Variants in GPI observed in about 807,000 individuals in gnomAD.
GPI encodes glucose-6-phosphate isomerase, also known as D-hexose-6-phosphate anomerase.
A neutral mutation model predicts 75.8 loss-of-function variants in GPI; 56 were observed. The observed-to-expected ratio is 0.74, with a 90% CI of 0.60 to 0.92. The LOEUF is 0.92. Ranked by LOEUF, GPI falls within the 40% of genes least tolerant of loss-of-function variation. The pLI is 0.00. For synonymous variants in GPI, 288 were observed against 285.4 expected, an observed-to-expected ratio of 1.01 and a Z score of -0.09; for missense variants, 638 against 741.0, an observed-to-expected ratio of 0.86 and a Z score of 1.61.
intron 9 of GPI, chr19:34,392,202 G>GTCAAT: frequency 6.5e-5 from 3 of 46,374 alleles, no homozygotes; most frequent in East Asian, 6.8e-4. Flanking sequence ...GGTTGGATCT[G>GTCAAT]GCCCCCTTAT....
Position 34,395,346 on chromosome 19 carries a change from C to T in GPI, c.1063-955C>T, listed in dbSNP as rs8191418. Among the ~76,000 whole-genome samples, 513 of 151,492 alleles carry T rather than the reference C, an allele frequency of 3.4e-3. 5 individuals carry two copies. Among genetic ancestry groups the T allele is most frequent in the African/African-American group, 0.012 (491 of 41,260 alleles). On this transcript the variant is annotated intron_variant, in intron 12 of 17. Transcript: ENST00000356487. ...AGGAGTTCAAGACCAGCCTGGGCAACGTAGTGAGGCCCGGTCTCTACAAAA... is the reference window on the plus strand; with the variant it reads ...AGGAGTTCAAGACCAGCCTGGGCAATGTAGTGAGGCCCGGTCTCTACAAAA...
chr19:34,398,851 G>A (rs574070042), intron 14 of GPI: 3 of 208,572 alleles, frequency 1.4e-5, no homozygotes, highest in African/African-American at 2.3e-5. Context: ...ACAGGCATGC[G>A]CCACCATGCC....
In GPI at chr19:34,399,605, C is replaced by T. The variant is rs1311905791; in HGVS notation, c.1448C>T (p.Thr483Ile). 1.9e-6 allele frequency: 3 copies of T among 1,614,066 alleles called. No individual in the cohort carries two copies. The Admixed American group carries it at 5.0e-5, about 27-fold the overall frequency. ...AACTCTATTGTGTTCACCAAGCTCACACCATTCATGCTTGGAGCCTTGGTC... is the reference window on the plus strand; with the variant it reads ...AACTCTATTGTGTTCACCAAGCTCATACCATTCATGCTTGGAGCCTTGGTC... Reference protein sequence around the residue: ...PTNSIVFTKLTPFMLGALVAM... With the variant: ...PTNSIVFTKLIPFMLGALVAM... Residue 483 changes from threonine to isoleucine, a missense_variant, in exon 16 of 18, where the codon ACA becomes ATA. Coordinates refer to ENST00000356487, the MANE Select transcript of GPI (RefSeq NM_000175.5).
chr19:34,364,845 G>A (rs1021538186), upstream of GPI: 1 of 778,582 alleles, frequency 1.3e-6, no homozygotes, highest in African/African-American at 1.8e-5. Context: ...GAAGGTGTTC[G>A]ATCTATAGAG....
At position 34,367,084 on chromosome 19, in the gene GPI, A is replaced by G. The variant is rs1277686650; in HGVS notation, c.282+233A>G. The stretch of plus-strand genomic sequence containing the variant: ...TTCCCAGTGTCTGCCTGGGAGGAGC[A>G]TATCTCATACCCACAGGGAGAGTTT... On this transcript the variant is annotated intron_variant, in intron 3 of 17. Transcript: ENST00000356487. 2.1e-5 allele frequency: 14 copies of G among 682,044 alleles called. No individual in the cohort carries two copies. In the Admixed American group the frequency reaches 2.1e-4, roughly 10 times the overall value. The allele number at this position is 682,044 out of a possible 1,614,324, so 42.2% of individuals were successfully genotyped here.
chr19:34,382,718 G>A (rs1054112684), intron 9 of GPI, among the ~76,000 whole-genome samples: 1 of 152,084 alleles, frequency 6.6e-6, no homozygotes, highest in African/African-American at 2.4e-5. Context: ...GTCCTTGCTT[G>A]TCACCACCCA....
intron 8 of GPI, 61 bp from the exon 9 acceptor site, chr19:34,381,405 G>T: frequency 8.8e-7 from 1 of 1,140,178 alleles, no homozygotes; most frequent in Non-Finnish European, 1.3e-6. Context: ...CGGAGCTCCT[G>T]TTCCCATCCC....
upstream of GPI, among the ~76,000 whole-genome samples, chr19:34,360,440 A>G (rs2074295261): frequency 6.6e-6 from 1 of 152,072 alleles, no homozygotes; most frequent in Admixed American, 6.6e-5. Context: ...AAATAATAAT[A>G]ATAAGAAAAT....
At chr19:34,372,188 C>T (rs2074464243) in intron 4 of GPI, among the ~76,000 whole-genome samples, 1 of 152,180 alleles carries the variant, frequency 6.6e-6, no homozygotes, top group Non-Finnish European at 1.5e-5. Context: ...ACCTTGGCCT[C>T]CCAGAGTCCT....
In GPI at chr19:34,393,478, T is replaced by G. The variant is rs2074896466; in HGVS notation, c.865+170T>G. The G allele has an allele frequency of 1.3e-6, 1 of 753,324 alleles. No homozygotes were observed. Among genetic ancestry groups the G allele is most frequent in the African/African-American group, 1.7e-5 (1 of 58,002 alleles). 46.7% of individuals were successfully genotyped at this position (753,324 alleles called of 1,614,324 possible). ...TCCAGAAGGAAGGTCTGGGTTTTTT[T>G]GCGTGTGCAAGTTGGCCCCCGTCTT... On this transcript the variant is annotated intron_variant, in intron 10 of 17. Coordinates refer to ENST00000356487, the MANE Select transcript of GPI (RefSeq NM_000175.5). The surrounding 1 kb of genome is among the most constrained non-coding windows in gnomAD (Gnocchi z 4.4).
intron 14 of GPI, chr19:34,398,945 T>C: frequency 3.0e-6 from 1 of 335,572 alleles, no homozygotes; most frequent in Non-Finnish European, 5.7e-6. Context: ...GACCTCGTGG[T>C]CCATCCGCCT....
upstream of GPI, among the ~76,000 whole-genome samples, chr19:34,362,520 T>G (rs1339960882): frequency 6.6e-6 from 1 of 152,138 alleles, no homozygotes; most frequent in Non-Finnish European, 1.5e-5. Context: ...CTAGGGTTCC[T>G]GGTGGTCGGG....
chr19:34,391,080 A>G (rs777917840), intron 9 of GPI, among the ~76,000 whole-genome samples: 2 of 150,052 alleles, frequency 1.3e-5, no homozygotes, highest in African/African-American at 2.5e-5. Flanking sequence ...TGCGTCTTCC[A>G]GTGTTTGAGG....
At chr19:34,368,757 A>T (rs1034116218) in intron 4 of GPI, 55 bp downstream of exon 4, 312 of 1,608,824 alleles carry the variant, frequency 1.9e-4, no homozygotes, top group Non-Finnish European at 2.5e-4. Flanking sequence ...GTTATTTGGG[A>T]ATCTGGGAGC....
intron 4 of GPI, 123 bp downstream of exon 4, chr19:34,368,825 T>A: frequency 9.0e-7 from 1 of 1,108,408 alleles, no homozygotes; most frequent in Non-Finnish European, 1.4e-6. Context: ...CACTGCAGCT[T>A]AAGGGAGGGG....
chr19:34,369,682 G>A (rs2074421849), intron 4 of GPI, among the ~76,000 whole-genome samples: 1 of 149,398 alleles, frequency 6.7e-6, no homozygotes, highest in Admixed American at 6.6e-5. Context: ...ACTCCAGCCT[G>A]GGCGACAGAG....
At chr19:34,378,607 A>G (rs1568334595) in intron 6 of GPI, among the ~76,000 whole-genome samples, 6 of 152,168 alleles carry the variant, frequency 3.9e-5, no homozygotes. Flanking sequence ...ACATGAATGT[A>G]CATAAAATAT....
At chr19:34,372,208 G>A (rs553056452) in intron 4 of GPI, among the ~76,000 whole-genome samples, 2 of 152,322 alleles carry the variant, frequency 1.3e-5, no homozygotes, top group African/African-American at 4.8e-5. Flanking sequence ...TGGGATTACA[G>A]GCATGAGCCA....
intron 4 of GPI, among the ~76,000 whole-genome samples, chr19:34,372,016 C>T (rs546252467): frequency 5.9e-5 from 9 of 151,668 alleles, no homozygotes; most frequent in East Asian, 2.0e-4. Flanking sequence ...CTGCAACCTC[C>T]GCCTCCCAGG....
Sources: allele counts gnomAD v4.1 joint callset (sites outside exome capture counted in the v4.1 genomes callset), GRCh38; gene constraint gnomAD v4.1.1; non-coding constraint Gnocchi (gnomAD v3.1); transcripts MANE v1.5; gene names NCBI Gene and HGNC (gene_info 2026-07-23, HGNC 2026-07-21).